The following PCDH15 variants were observed in gnomAD, a reference collection of about 807,000 sequenced individuals.
PCDH15 encodes the protein protocadherin-15.
A neutral mutation model predicts 178.5 loss-of-function variants in PCDH15; 129 were observed. The ratio of observed to expected loss-of-function variants is 0.72; its 90% CI spans 0.63 to 0.84. The LOEUF (loss-of-function observed/expected upper bound fraction) is 0.84, where lower values mean the gene tolerates loss of function less well. PCDH15 is among the 40% of genes least tolerant of loss of function. PCDH15 has a pLI of 0.00. For missense variants in PCDH15, 2,230 were observed against 2,099.9 expected, an observed-to-expected ratio of 1.06 and a Z score of -1.21; for synonymous variants, 800 against 732.0, an observed-to-expected ratio of 1.09 and a Z score of -1.50.
At chr10:54,696,345 T>G (rs111575252) in intron 1 of PCDH15, among the ~76,000 whole-genome samples, 1 of 152,182 alleles carries the variant, frequency 6.6e-6, no homozygotes, top group African/African-American at 2.4e-5. Flanking sequence ...AATCTCATGA[T>G]AAAATATACA....
chr10:53,872,884 TAC>T (rs2079972616), intron 26 of PCDH15, among the ~76,000 whole-genome samples: 1 of 152,192 alleles, frequency 6.6e-6, no homozygotes, highest in Non-Finnish European at 1.5e-5. Context: ...TATCTGTACT[TAC>T]TTTGACTACT....
At chr10:54,663,692 C>CAA (rs11429433) in intron 2 of PCDH15, among the ~76,000 whole-genome samples, 1,821 of 144,214 alleles carry the variant, frequency 0.013, 11 homozygotes, top group African/African-American at 0.021. Context: ...CTATTCTTCC[C>CAA]AAAAAAAAAA....
At chr10:54,204,807 T>A (rs2050619625) in intron 10 of PCDH15, among the ~76,000 whole-genome samples, 1 of 152,108 alleles carries the variant, frequency 6.6e-6, no homozygotes, top group African/African-American at 2.4e-5. Flanking sequence ...CTGTGTTCAT[T>A]AAAGATGGAC....
chr10:55,619,181 T>C (rs1732199895), intron 2 of PCDH15, among the ~76,000 whole-genome samples: 1 of 152,032 alleles, frequency 6.6e-6, no homozygotes. Context: ...GCAGCAATTC[T>C]TTCCTGTAAT....
intron 8 of PCDH15, among the ~76,000 whole-genome samples, chr10:54,283,209 T>C (rs973437249): frequency 2.0e-5 from 3 of 152,150 alleles, no homozygotes; most frequent in African/African-American, 7.2e-5. Flanking sequence ...AGCTGGACTC[T>C]GCAGTATCCT....
chr10:54,689,557 A>G (rs912900534), intron 1 of PCDH15, among the ~76,000 whole-genome samples: 1 of 152,230 alleles, frequency 6.6e-6, no homozygotes, highest in African/African-American at 2.4e-5. Context: ...GGGACTGAAT[A>G]AAGTTTTAAG....
intron 2 of PCDH15, among the ~76,000 whole-genome samples, chr10:55,612,537 T>C (rs1205587839): frequency 6.6e-6 from 1 of 152,106 alleles, no homozygotes; most frequent in African/African-American, 2.4e-5. Flanking sequence ...TTTAAGAAAA[T>C]TCTTACAACT....
chr10:54,309,099 G>A (rs2060733604), intron 8 of PCDH15, among the ~76,000 whole-genome samples: 4 of 151,946 alleles, frequency 2.6e-5, no homozygotes, highest in Admixed American at 1.3e-4. Context: ...AAAGTGATTG[G>A]CCAAGGGACT....
intron 3 of PCDH15, among the ~76,000 whole-genome samples, chr10:54,524,951 G>T (rs1039142105): frequency 6.6e-6 from 1 of 152,194 alleles, no homozygotes; most frequent in Non-Finnish European, 1.5e-5. Context: ...AGCCCAGGAT[G>T]AGAAAGAAGT....
chr10:54,805,146 C>G (rs1952759204), upstream of PCDH15, among the ~76,000 whole-genome samples: 1 of 151,288 alleles, frequency 6.6e-6, no homozygotes. Flanking sequence ...ATATATTATT[C>G]TCAAATATAT....
intron 2 of PCDH15, among the ~76,000 whole-genome samples, chr10:55,443,566 A>T (rs1470178235): frequency 6.6e-6 from 1 of 152,188 alleles, no homozygotes; most frequent in East Asian, 1.9e-4. Context: ...GAGAAATGCA[A>T]ATCAAAACCA....
intron 2 of PCDH15, among the ~76,000 whole-genome samples, chr10:55,132,210 T>C (rs1838070350): frequency 6.6e-6 from 1 of 152,212 alleles, no homozygotes; most frequent in Non-Finnish European, 1.5e-5. Flanking sequence ...CTTGATCATA[T>C]GGCTAACTTC....
chr10:55,247,592 T>A (rs1265798162), intron 1 of PCDH15, among the ~76,000 whole-genome samples: 6 of 151,952 alleles, frequency 3.9e-5, no homozygotes, highest in African/African-American at 1.2e-4. Context: ...ACTTTTTACA[T>A]GTTTATCACC....
intron 10 of PCDH15, among the ~76,000 whole-genome samples, chr10:54,204,797 C>T (rs1411796884): frequency 6.6e-6 from 1 of 152,102 alleles, no homozygotes; most frequent in Non-Finnish European, 1.5e-5. Flanking sequence ...CTTCAACCAT[C>T]TGTGTTCATT....
Position 54,086,596 on chromosome 10 carries a change from A to T in PCDH15, c.1997+3388T>A, listed in dbSNP as rs144673106. ...TGTTCTCCATTTCAAATGCATTGAA[A>T]TGTATTGCTAGTGGTTCAGGCTACT... On this transcript the variant is annotated intron_variant, in intron 16 of 37. Transcript: ENST00000644397. Among the ~76,000 whole-genome samples the T allele has an allele frequency of 3.3e-5, 5 of 152,268 alleles. No homozygotes were observed. In the East Asian group the frequency reaches 9.7e-4, roughly 29 times the overall value.
At chr10:55,538,159 C>G (rs1412564069) in intron 2 of PCDH15, among the ~76,000 whole-genome samples, 1 of 152,146 alleles carries the variant, frequency 6.6e-6, no homozygotes, top group African/African-American at 2.4e-5. Context: ...ATTCTCCTTA[C>G]CTTGTATCCT....
intron 2 of PCDH15, among the ~76,000 whole-genome samples, chr10:54,563,697 G>C (rs10763115): frequency 0.47 from 71,908 of 151,956 alleles, 17,339 homozygotes; most frequent in South Asian, 0.65. Context: ...AGAGAAGGTA[G>C]CTGTTAAATT....
chr10:54,525,596 C>T (rs531564121), intron 3 of PCDH15, among the ~76,000 whole-genome samples: 1 of 152,226 alleles, frequency 6.6e-6, no homozygotes, highest in South Asian at 2.1e-4. Context: ...GTAGCTGGGA[C>T]TGTGAGTGTG....
chr10:54,774,928 T>TA (rs1053934095), intron 1 of PCDH15, among the ~76,000 whole-genome samples: 10 of 152,218 alleles, frequency 6.6e-5, no homozygotes, highest in African/African-American at 2.4e-4. Context: ...AGTGCTTTTT[T>TA]ACTTTGAGGT....
Sources: allele counts gnomAD v4.1 joint callset (sites outside exome capture counted in the v4.1 genomes callset), GRCh38; gene constraint gnomAD v4.1.1; transcripts MANE v1.5; gene names NCBI Gene and HGNC (gene_info 2026-07-23, HGNC 2026-07-21).